MGAT5B: variants seen among roughly 807,000 people sequenced by gnomAD.
MGAT5B encodes the protein alpha-1,6-mannosylglycoprotein 6-beta-N-acetylglucosaminyltransferase B.
A neutral mutation model predicts 95.1 loss-of-function variants in MGAT5B; 54 were observed. That is an observed-to-expected ratio of 0.57 (90% CI 0.46 to 0.71). The LOEUF (loss-of-function observed/expected upper bound fraction) is 0.71. MGAT5B is among the 30% of genes least tolerant of loss of function. The pLI is 0.00. For missense variants in MGAT5B, 935 were observed against 1,088.6 expected, an observed-to-expected ratio of 0.86 and a Z score of 1.99; for synonymous variants, 464 against 451.0, an observed-to-expected ratio of 1.03 and a Z score of -0.36.
At chr17:76,899,235 G>A (rs759464710) in intron 3 of MGAT5B, among the ~76,000 whole-genome samples, 1 of 152,138 alleles carries the variant, frequency 6.6e-6, no homozygotes, top group Admixed American at 6.5e-5. Flanking sequence ...CAGGCGCCCA[G>A]TTTTTCTCCA....
chr17:76,887,261 G>A (rs894674884), intron 3 of MGAT5B, among the ~76,000 whole-genome samples: 3 of 151,930 alleles, frequency 2.0e-5, no homozygotes, highest in Non-Finnish European at 4.4e-5. Flanking sequence ...TTATTGCCAT[G>A]GCTCGGACCC....
intron 3 of MGAT5B, among the ~76,000 whole-genome samples, chr17:76,890,872 G>A (rs947289489): frequency 2.7e-4 from 41 of 151,946 alleles, no homozygotes; most frequent in African/African-American, 9.4e-4. Flanking sequence ...GGTCAGCTTT[G>A]GGGGAGGATC....
Position 76,904,436 on chromosome 17 carries a change from G to C in MGAT5B, c.690+14G>C. On this transcript the variant is annotated intron_variant, in intron 6 of 17. Transcript: ENST00000569840. Reference sequence around the variant, plus strand: ...CCCAAAGTCCAGGTGGGCCTGGGAGGTGGGTGGGCCGGTGAGGGGCTGGTG... The same window carrying C: ...CCCAAAGTCCAGGTGGGCCTGGGAGCTGGGTGGGCCGGTGAGGGGCTGGTG... The C allele has an allele frequency of 1.3e-6, 2 of 1,550,798 alleles. No homozygotes were observed. The highest frequency in any genetic ancestry group is 2.4e-5 in the East Asian group (1 of 41,366).
chr17:76,899,210 G>A (rs1450604458), intron 3 of MGAT5B, among the ~76,000 whole-genome samples: 1 of 152,152 alleles, frequency 6.6e-6, no homozygotes. Flanking sequence ...TGGGGTCTCT[G>A]GTTAGAAGGT....
chr17:76,939,445 C>T (rs1969795315), intron 13 of MGAT5B, among the ~76,000 whole-genome samples: 2 of 152,082 alleles, frequency 1.3e-5, no homozygotes, highest in Admixed American at 6.5e-5. Flanking sequence ...ACCCGGGAGG[C>T]AGAGGTTGCA....
chr17:76,881,172 C>T (rs549923296), intron 2 of MGAT5B, among the ~76,000 whole-genome samples: 1 of 152,308 alleles, frequency 6.6e-6, no homozygotes, highest in East Asian at 1.9e-4. Context: ...CTCCCGCACA[C>T]TGGCACGTGC....
intron 3 of MGAT5B, among the ~76,000 whole-genome samples, chr17:76,884,670 C>T (rs1364775668): frequency 6.7e-6 from 1 of 148,760 alleles, no homozygotes; most frequent in Non-Finnish European, 1.5e-5. Flanking sequence ...GTGGCATGAT[C>T]TCGGCTCACT....
rs1327696160 is a variant in MGAT5B at position 76,917,100 on chromosome 17, G to C, written c.1026-7866G>C. 2.0e-5 allele frequency among the ~76,000 whole-genome samples: 3 copies of C among 152,216 alleles called. No individual in the cohort carries two copies. The East Asian group carries it at 5.8e-4, about 29-fold the overall frequency. On this transcript the variant is annotated intron_variant, in intron 8 of 17. Transcript: ENST00000569840. The surrounding 1 kb of genome is among the most constrained non-coding windows in gnomAD (Gnocchi z 6.1). ...AGGTGGGAGGTTTCACTGTGACTCAGTGGCCAATTAAATGCTCTCAAGTCC... is the reference window on the plus strand; with the variant it reads ...AGGTGGGAGGTTTCACTGTGACTCACTGGCCAATTAAATGCTCTCAAGTCC...
At chr17:76,933,339 C>G (rs1969555826) in intron 12 of MGAT5B, 42 bp downstream of exon 12, 4 of 1,597,622 alleles carry the variant, frequency 2.5e-6, no homozygotes, top group Non-Finnish European at 3.4e-6. Flanking sequence ...ACCCTCTGCT[C>G]CCTTCCCCTC....
At chr17:76,943,819 G>A (rs1443528883) in intron 15 of MGAT5B, 1 of 152,222 alleles carries the variant, frequency 6.6e-6, no homozygotes, top group African/African-American at 2.4e-5. Context: ...ATCATGGGGA[G>A]TGGCTTGTTC....
rs563634629 is a variant in MGAT5B at position 76,880,787 on chromosome 17, C to T, written c.182-1364C>T. On this transcript the variant is annotated intron_variant, in intron 2 of 17. Transcript: ENST00000569840. ...GCTCCCCAGCAGGGCTAAGGTTGGG[C>T]GCCCGGGTGGTAATATTCTCGGCAG... 1.5e-3 allele frequency among the ~76,000 whole-genome samples: 232 copies of T among 152,248 alleles called. 1 individual carries two copies. Among genetic ancestry groups the T allele is most frequent in the Middle Eastern group, 6.8e-3 (2 of 294 alleles).
chr17:76,921,518 T>G (rs957590634), intron 8 of MGAT5B, among the ~76,000 whole-genome samples: 1 of 152,140 alleles, frequency 6.6e-6, no homozygotes, highest in Non-Finnish European at 1.5e-5. Context: ...GGGTGAGGCC[T>G]GACTGCCCAA....
intron 3 of MGAT5B, among the ~76,000 whole-genome samples, chr17:76,896,416 G>A (rs1968066010): frequency 6.6e-6 from 1 of 152,172 alleles, no homozygotes; most frequent in Non-Finnish European, 1.5e-5. Context: ...CATGCTTGTC[G>A]CAGGAAAATT....
chr17:76,873,232 G>A (rs527929108), intron 2 of MGAT5B, among the ~76,000 whole-genome samples: 2 of 152,378 alleles, frequency 1.3e-5, no homozygotes, highest in Admixed American at 1.3e-4. Flanking sequence ...GGCTGCCAGT[G>A]TTGCTTCTTT....
rs1235274223 is a variant in MGAT5B at position 76,918,176 on chromosome 17, G to A, written c.1026-6790G>A. Among the ~76,000 whole-genome samples, 3 of 143,418 alleles carry A rather than the reference G, an allele frequency of 2.1e-5. No homozygotes were observed. Among genetic ancestry groups the A allele is most frequent in the Non-Finnish European group, 4.5e-5 (3 of 66,686 alleles). 94.1% of individuals were successfully genotyped at this position (143,418 alleles called of 152,430 possible). On this transcript the variant is annotated intron_variant, in intron 8 of 17. Coordinates refer to ENST00000569840, the MANE Select transcript of MGAT5B (RefSeq NM_001199172.2). This position sits in a 1 kb window ranked among gnomAD's most constrained non-coding sequence, Gnocchi z 5.1. ...ACGCTGCTCCCTCAGTTTCCCTTTC[G>A]GAGGCTCCCCCCCAACAACTGCACG...
rs749963645 is a variant in MGAT5B, at chr17:76,872,936, G to T, written c.154G>T (p.Asp52Tyr). Reference protein sequence around the residue: ...GGQFSARRLGDSPFTIRTEVM... With the variant: ...GGQFSARRLGYSPFTIRTEVM... ...CCAGTTCTCGGCCCGGCGCCTGGGG[G>T]ACTCGCCATTCACCATCCGCACAGA... The change falls in exon 2 of 18, where the codon GAC becomes TAC. Residue 52 changes from aspartate (D) to tyrosine (Y), a missense_variant. Coordinates refer to ENST00000569840, the MANE Select transcript of MGAT5B (RefSeq NM_001199172.2). The T allele has an allele frequency of 3.7e-6, 6 of 1,614,078 alleles. No individual in the cohort carries two copies. The highest frequency in any genetic ancestry group is 1.1e-5 in the South Asian group (1 of 91,080).
rs956609358 is a variant in MGAT5B at position 76,915,884 on chromosome 17, G to A, written c.1026-9082G>A. ...GAGCGCAGGAGCACACATCCCAGCGGAGAGGCCTGGCAGCCAGACACCTGA... is the reference window on the plus strand; with the variant it reads ...GAGCGCAGGAGCACACATCCCAGCGAAGAGGCCTGGCAGCCAGACACCTGA... On this transcript the variant is annotated intron_variant, in intron 8 of 17. Transcript: ENST00000569840. This position sits in a 1 kb window ranked among gnomAD's most constrained non-coding sequence, Gnocchi z 8.7. Among the ~76,000 whole-genome samples, 1 of 152,212 alleles carries A rather than the reference G, an allele frequency of 6.6e-6. No homozygotes were observed. The highest frequency in any genetic ancestry group is 1.5e-5 in the Non-Finnish European group (1 of 68,034).
chr17:76,912,826 C>T lies in MGAT5B; in HGVS notation c.1025+6639C>T, dbSNP rs930978107. 6.6e-6 allele frequency among the ~76,000 whole-genome samples: 1 copy of T among 152,198 alleles called. No individual in the cohort carries two copies. The highest frequency in any genetic ancestry group is 6.5e-5 in the Admixed American group (1 of 15,290). On this transcript the variant is annotated intron_variant, in intron 8 of 17. Transcript: ENST00000569840. The surrounding 1 kb of genome is among the most constrained non-coding windows in gnomAD (Gnocchi z 5.0). ...CCCCGCCGTGTGCGGAGGGAAGAAG[C>T]CAAACCCTAGTGCCTGCCCAGCCGC...
intron 12 of MGAT5B, 60 bp downstream of exon 12, chr17:76,933,357 G>A (rs1598988957): frequency 1.1e-5 from 18 of 1,592,034 alleles, no homozygotes; most frequent in Non-Finnish European, 1.5e-5. Context: ...CTCTCCAGCA[G>A]CCACTCCAGG....
Sources: gnomAD v4.1 joint callset for allele counts (sites outside exome capture counted in the v4.1 genomes callset) on GRCh38, gnomAD v4.1.1 for gene constraint, Gnocchi (gnomAD v3.1) non-coding constraint, MANE v1.5 for transcripts, NCBI Gene and HGNC (gene_info 2026-07-23, HGNC 2026-07-21) for gene names.